The following PCDHGB4 variants were observed in gnomAD, a reference collection of about 807,000 sequenced individuals.
PCDHGB4 encodes protocadherin gamma subfamily B, 4.
PCDHGB4 carries 38 observed loss-of-function variants against 60.5 expected under a neutral mutation model. That is an observed-to-expected ratio of 0.63 (90% CI 0.48 to 0.82). The LOEUF (loss-of-function observed/expected upper bound fraction) is 0.82. Among genes scored for constraint, PCDHGB4 ranks in the 40% least tolerant of loss-of-function variants. The pLI is 0.00. For missense variants in PCDHGB4, 1,109 were observed against 1,209.6 expected, an observed-to-expected ratio of 0.92 and a Z score of 1.23; for synonymous variants, 456 against 509.7, an observed-to-expected ratio of 0.89 and a Z score of 1.42.
intron 1 of PCDHGB4, among the ~76,000 whole-genome samples, chr5:141,469,522 C>T (rs1409427974): frequency 2.6e-5 from 4 of 152,088 alleles, no homozygotes; most frequent in African/African-American, 9.7e-5. Flanking sequence ...TTGCAGTGAG[C>T]CAAGATTGTG....
At chr5:141,464,263 TAA>T (rs35224477) in intron 1 of PCDHGB4, among the ~76,000 whole-genome samples, 15 of 103,552 alleles carry the variant, frequency 1.4e-4, no homozygotes, top group Admixed American at 3.2e-4. Context: ...AGACTCCGTC[TAA>T]AAAAAAAAAA....
intron 1 of PCDHGB4, among the ~76,000 whole-genome samples, chr5:141,407,316 GTATTTATAAA>G (rs2094915018): frequency 6.6e-6 from 1 of 152,094 alleles, no homozygotes; most frequent in Non-Finnish European, 1.5e-5. Flanking sequence ...TTCATACTTA[GTATTTATAAA>G]TATTGAAATG....
At chr5:141,436,910 TGTGA>T (rs1332506247) in intron 1 of PCDHGB4, among the ~76,000 whole-genome samples, 1 of 152,228 alleles carries the variant, frequency 6.6e-6, no homozygotes, top group Non-Finnish European at 1.5e-5. Flanking sequence ...GAGACAATTT[TGTGA>T]GTGTTACTTT....
At chr5:141,421,979 G>C in intron 1 of PCDHGB4, 1 of 1,609,702 alleles carries the variant, frequency 6.2e-7, no homozygotes, top group Non-Finnish European at 8.5e-7. Flanking sequence ...TATCGCGTGA[G>C]TGTTCCAGAA....
Position 141,403,252 on chromosome 5 carries a change from G to A in PCDHGB4, c.2397+12971G>A, listed in dbSNP as rs180687908. 8.6e-4 allele frequency: 1,389 copies of A among 1,613,900 alleles called. 2 individuals carry two copies. Among genetic ancestry groups the A allele is most frequent in the Non-Finnish European group, 1.1e-3 (1,338 of 1,179,904 alleles). On this transcript the variant is annotated intron_variant, in intron 1 of 3. Transcript: ENST00000519479. Reference sequence around the variant, plus strand: ...GGGAGGAGCTCTGTGCTCAGAGCCCGCGGTGTCTGGTGAACTTTAAAGTCC... The same window carrying A: ...GGGAGGAGCTCTGTGCTCAGAGCCCACGGTGTCTGGTGAACTTTAAAGTCC...
At chr5:141,459,945 G>T (rs113794146) in intron 1 of PCDHGB4, among the ~76,000 whole-genome samples, 54 of 152,164 alleles carry the variant, frequency 3.5e-4, no homozygotes, top group Middle Eastern at 3.2e-3. Flanking sequence ...GGGCGTGATG[G>T]CAGGTGCCTG....
At chr5:141,420,733 A>T (rs989644819) in intron 1 of PCDHGB4, among the ~76,000 whole-genome samples, 1 of 152,250 alleles carries the variant, frequency 6.6e-6, no homozygotes, top group African/African-American at 2.4e-5. Flanking sequence ...GTCGGTTAAA[A>T]TCAATTGGAA....
chr5:141,391,681 T>TC (rs2092407596), intron 1 of PCDHGB4: 4 of 152,210 alleles, frequency 2.6e-5, no homozygotes, highest in Admixed American at 2.6e-4. Context: ...TGAAATAAGT[T>TC]CATCTGCTAC....
At chr5:141,392,893 G>C in intron 1 of PCDHGB4, 1 of 1,613,780 alleles carries the variant, frequency 6.2e-7, no homozygotes, top group South Asian at 1.1e-5. Flanking sequence ...TGGGAAATCG[G>C]GAGGGGACAG....
rs758715682 is a variant in PCDHGB4, at chr5:141,490,062, C to T, written c.2398-4745C>T. The T allele has an allele frequency of 2.6e-5, 42 of 1,614,100 alleles. No individual in the cohort carries two copies. The highest frequency in any genetic ancestry group is 3.3e-5 in the South Asian group (3 of 91,086). On this transcript the variant is annotated intron_variant, in intron 1 of 3. Coordinates refer to ENST00000519479, the MANE Select transcript of PCDHGB4 (RefSeq NM_003736.4). The surrounding 1 kb of genome is among the most constrained non-coding windows in gnomAD (Gnocchi z 5.4). The stretch of plus-strand genomic sequence containing the variant: ...CCACTGATCCAGACGAGGGCACCAA[C>T]GGCCAACTAGACTATTCTTTTGGAG...
At position 141,487,144 on chromosome 5, in the gene PCDHGB4, C is replaced by T. The variant is rs2099640304; in HGVS notation, c.2398-7663C>T. The T allele has an allele frequency of 6.2e-7, 1 of 1,614,032 alleles. No homozygotes were observed. Among genetic ancestry groups the T allele is most frequent in the African/African-American group, 1.3e-5 (1 of 75,056 alleles). On this transcript the variant is annotated intron_variant, in intron 1 of 3. Coordinates refer to ENST00000519479, the MANE Select transcript of PCDHGB4 (RefSeq NM_003736.4). This position sits in a 1 kb window ranked among gnomAD's most constrained non-coding sequence, Gnocchi z 5.0. ...ATAGTGGTAGTCCACCACTCTCTAC[C>T]TCTGTTACTCTCTTAGTGTCCTTAG...
chr5:141,450,734 G>A (rs1365470415), intron 1 of PCDHGB4, among the ~76,000 whole-genome samples: 6 of 151,868 alleles, frequency 4.0e-5, no homozygotes, highest in South Asian at 2.1e-4. Context: ...TGATCCGCCC[G>A]CCTTGGCCTC....
At chr5:141,398,818 C>G in intron 1 of PCDHGB4, 1 of 1,613,958 alleles carries the variant, frequency 6.2e-7, no homozygotes. Flanking sequence ...GCTCCGGATC[C>G]AGGTAACCGA....
intron 1 of PCDHGB4, among the ~76,000 whole-genome samples, chr5:141,447,234 G>T (rs534523483): frequency 9.9e-4 from 150 of 152,170 alleles, no homozygotes; most frequent in Non-Finnish European, 1.8e-3. Flanking sequence ...CCGCCTCCCG[G>T]GTTCAAGTGA....
intron 1 of PCDHGB4, among the ~76,000 whole-genome samples, chr5:141,430,341 C>T (rs766664177): frequency 1.4e-4 from 21 of 149,938 alleles, no homozygotes; most frequent in Non-Finnish European, 2.8e-4. Context: ...TAGAAACTTC[C>T]AATTCATTTA....
intron 1 of PCDHGB4, chr5:141,478,198 ACTT>A (rs2099438516): frequency 1.2e-6 from 2 of 1,613,746 alleles, no homozygotes; most frequent in African/African-American, 1.3e-5. Context: ...CCTTTTATCT[ACTT>A]CTTTCTCTAA....
intron 1 of PCDHGB4, among the ~76,000 whole-genome samples, chr5:141,438,625 TATATATATATACACACAC>T (rs1351180774): frequency 3.0e-4 from 14 of 46,412 alleles, no homozygotes; most frequent in Middle Eastern, 8.3e-3. Context: ...TATATATATA[TATATATATATACACACAC>T]ACACACACAT....
rs568123995 is a variant in PCDHGB4 at position 141,511,539 on chromosome 5, C to G, written c.*366C>G. The G allele has an allele frequency of 3.0e-5, 10 of 328,342 alleles. No individual in the cohort carries two copies. The highest frequency in any genetic ancestry group is 2.1e-4 in the African/African-American group (10 of 47,452). The allele number at this position is 328,342 out of a possible 1,614,324, so 20.3% of individuals were successfully genotyped here. ...CATCCCATGCCTCCCTCCTCCCCAC[C>G]CCACTCCAACAGTTCCTCTTTCCCG... On this transcript the variant is annotated 3_prime_UTR_variant, in exon 4 of 4. Transcript: ENST00000519479.
intron 1 of PCDHGB4, chr5:141,479,217 A>G (rs1433108919): frequency 1.3e-5 from 2 of 152,400 alleles, no homozygotes; most frequent in Non-Finnish European, 2.9e-5. Context: ...TTAAAAAATT[A>G]AAACTATAAT....
Sources: gnomAD v4.1 joint callset for allele counts (sites outside exome capture counted in the v4.1 genomes callset) on GRCh38, gnomAD v4.1.1 for gene constraint, Gnocchi (gnomAD v3.1) non-coding constraint, MANE v1.5 for transcripts, NCBI Gene and HGNC (gene_info 2026-07-23, HGNC 2026-07-21) for gene names.